Variants in EYS observed in about 807,000 individuals in gnomAD.
The protein encoded by EYS is protein eyes shut homolog.
EYS carries 250 observed loss-of-function variants against 282.1 expected under a neutral mutation model. The observed-to-expected ratio is 0.89, with a 90% CI of 0.80 to 0.98. The LOEUF is 0.98. EYS is among the 50% of genes least tolerant of loss of function. The pLI is 0.00. For synonymous variants in EYS, 1,355 were observed against 1,282.9 expected (o/e 1.06, Z -1.20); for missense variants, 4,016 against 3,709.0 (o/e 1.08, Z -2.15).
chr6:64,596,951 C>G (rs1000081893), intron 24 of EYS, among the ~76,000 whole-genome samples: 1 of 152,076 alleles, frequency 6.6e-6, no homozygotes, highest in Non-Finnish European at 1.5e-5. Flanking sequence ...AATGTTTTCA[C>G]ACAATGCATC....
At chr6:64,026,454 A>G (rs1769517306) in intron 33 of EYS, among the ~76,000 whole-genome samples, 1 of 152,152 alleles carries the variant, frequency 6.6e-6, no homozygotes, top group African/African-American at 2.4e-5. Context: ...GAGGCAGCTC[A>G]TTTTGTTTCT....
chr6:65,017,408 G>C (rs913733665), intron 13 of EYS, among the ~76,000 whole-genome samples: 1 of 152,092 alleles, frequency 6.6e-6, no homozygotes, highest in African/African-American at 2.4e-5. Context: ...ATACCTTCAA[G>C]TATTAATAAA....
At chr6:64,048,799 C>T (rs1770712282) in intron 33 of EYS, among the ~76,000 whole-genome samples, 1 of 151,902 alleles carries the variant, frequency 6.6e-6, no homozygotes, top group Non-Finnish European at 1.5e-5. Context: ...AAAGAAGGAA[C>T]CACAGATTTT....
At position 63,747,736 on chromosome 6, in the gene EYS, T is replaced by G. The variant is rs144303884; in HGVS notation, c.8071+14725A>C. On this transcript the variant is annotated intron_variant, in intron 41 of 42. Coordinates refer to ENST00000503581, the MANE Select transcript of EYS (RefSeq NM_001142800.2). The stretch of plus-strand genomic sequence containing the variant: ...TTTGTCTTTTTTGACCTTTGTTGGT[T>G]TCAAGTCTGTTTTATCAGAGACTAG... 3.4e-3 allele frequency among the ~76,000 whole-genome samples: 523 copies of G among 152,316 alleles called. 4 individuals are homozygous for G. Among genetic ancestry groups the G allele is most frequent in the African/African-American group, 0.012 (497 of 41,552 alleles).
At chr6:64,010,111 T>A (rs1005933139) in intron 33 of EYS, among the ~76,000 whole-genome samples, 6 of 152,166 alleles carry the variant, frequency 3.9e-5, no homozygotes, top group Non-Finnish European at 7.3e-5. Context: ...CTTGAGGTTA[T>A]GAACCTGCTG....
At chr6:65,333,770 C>A (rs1195450258) in intron 11 of EYS, among the ~76,000 whole-genome samples, 2 of 151,344 alleles carry the variant, frequency 1.3e-5, no homozygotes, top group African/African-American at 2.4e-5. Flanking sequence ...TAATCACTAC[C>A]TTTTCTGATA....
chr6:65,413,388 T>C (rs1235067884), intron 5 of EYS, among the ~76,000 whole-genome samples: 2 of 152,152 alleles, frequency 1.3e-5, no homozygotes, highest in Non-Finnish European at 1.5e-5. Context: ...AAAATACATA[T>C]AATCAATTAA....
At chr6:64,235,337 G>C in intron 30 of EYS, among the ~76,000 whole-genome samples, 1 of 151,148 alleles carries the variant, frequency 6.6e-6, no homozygotes, top group Non-Finnish European at 1.5e-5. Flanking sequence ...AGAATATGCG[G>C]TGTTTGGTTT....
intron 28 of EYS, among the ~76,000 whole-genome samples, chr6:64,416,059 G>C (rs2150447147): frequency 6.6e-6 from 1 of 152,198 alleles, no homozygotes; most frequent in East Asian, 1.9e-4. Context: ...GTCTCTCCTT[G>C]GAAAGGATCC....
At chr6:65,493,936 T>C (rs1349967711) in intron 4 of EYS, among the ~76,000 whole-genome samples, 1 of 152,180 alleles carries the variant, frequency 6.6e-6, no homozygotes, top group African/African-American at 2.4e-5. Context: ...CCTTCAACCA[T>C]AGTTCCCTAA....
intron 26 of EYS, among the ~76,000 whole-genome samples, chr6:64,450,185 A>G (rs1201859558): frequency 6.6e-6 from 1 of 152,022 alleles, no homozygotes; most frequent in Non-Finnish European, 1.5e-5. Context: ...ACAGAAGACA[A>G]AAAAAAGGCA....
rs1764367580 is a variant in EYS at position 65,353,587 on chromosome 6, G to T, written c.1330C>A (p.Pro444Thr). ...YVCIPGCTKN[P>T]CWFLKNVYLI... ...TAAACATTCTTCAAAAACCAACATG[G>T]ATTTTTTGTGCACCCTGGAATGCAT... Residue 444 changes from proline to threonine, a missense_variant, in exon 9 of 43, where the codon CCA becomes ACA. Transcript: ENST00000503581. The T allele has an allele frequency of 6.2e-7, 1 of 1,612,890 alleles. No homozygotes were observed.
chr6:64,519,808 C>G (rs1290811596), intron 26 of EYS, among the ~76,000 whole-genome samples: 1 of 151,738 alleles, frequency 6.6e-6, no homozygotes, highest in Non-Finnish European at 1.5e-5. Context: ...CATAGCAAAC[C>G]AAACTGGGGA....
chr6:65,116,244 T>C (rs1041215015), intron 12 of EYS, among the ~76,000 whole-genome samples: 1 of 152,160 alleles, frequency 6.6e-6, no homozygotes, highest in Non-Finnish European at 1.5e-5. Context: ...AAGCTCAGTA[T>C]GACTCTATTA....
At chr6:64,993,787 G>T (rs1263274833) in intron 14 of EYS, among the ~76,000 whole-genome samples, 1 of 148,822 alleles carries the variant, frequency 6.7e-6, no homozygotes, top group African/African-American at 2.5e-5. Context: ...TATGGTGGAT[G>T]AAAGTAAAGG....
At chr6:64,306,373 T>G (rs1187604400) in intron 30 of EYS, among the ~76,000 whole-genome samples, 1 of 152,122 alleles carries the variant, frequency 6.6e-6, no homozygotes, top group Non-Finnish European at 1.5e-5. Context: ...TAACCCCTTT[T>G]ATAAGGGGTC....
chr6:65,573,733 T>C (rs530088406), intron 2 of EYS, among the ~76,000 whole-genome samples: 1 of 152,264 alleles, frequency 6.6e-6, no homozygotes, highest in Non-Finnish European at 1.5e-5. Context: ...ATTCTTGCAG[T>C]ATATGCCCAT....
intron 12 of EYS, among the ~76,000 whole-genome samples, chr6:65,259,482 T>A (rs1240578097): frequency 2.6e-5 from 4 of 151,822 alleles, no homozygotes; most frequent in Admixed American, 2.0e-4. Context: ...TGAATAAATT[T>A]AAAAAAAATG....
intron 40 of EYS, among the ~76,000 whole-genome samples, chr6:63,772,056 T>G (rs1330853174): frequency 6.6e-6 from 1 of 152,120 alleles, no homozygotes; most frequent in African/African-American, 2.4e-5. Context: ...TAGTGGAAAA[T>G]GGTATTTGGA....
Sources: gnomAD v4.1 joint callset for allele counts (sites outside exome capture counted in the v4.1 genomes callset) on GRCh38, gnomAD v4.1.1 for gene constraint, MANE v1.5 for transcripts, NCBI Gene and HGNC (gene_info 2026-07-23, HGNC 2026-07-21) for gene names.